MSN: variants seen among roughly 807,000 people sequenced by gnomAD.
MSN encodes moesin, also known as epididymis luminal protein 70.
In MSN, 2 loss-of-function variants were observed where a neutral mutation model predicts 48.0. The ratio of observed to expected loss-of-function variants is 0.04; its 90% CI spans 0.02 to 0.13. MSN has a LOEUF of 0.13. Ranked by LOEUF, MSN falls within the 10% of genes least tolerant of loss-of-function variation. The pLI is 1.00. For synonymous variants in MSN, 146 were observed against 166.9 expected (o/e 0.87, Z 0.97); for missense variants, 267 against 470.1 (o/e 0.57, Z 3.99).
intron 1 of MSN, among the ~76,000 whole-genome samples, chrX:65,680,956 G>A (rs1293887157): frequency 9.1e-6 from 1 of 110,149 alleles, no homozygotes; most frequent in Non-Finnish European, 1.9e-5. Context: ...TTACCATGTT[G>A]GCCAGGCTGG....
chrX:65,715,483 G>A (rs2071454735), intron 1 of MSN, among the ~76,000 whole-genome samples: 2 of 111,697 alleles, frequency 1.8e-5, no homozygotes, highest in Admixed American at 1.9e-4. Flanking sequence ...CCATTTGTTT[G>A]TGTCATATCT....
At chrX:65,733,144 C>T (rs747436170) in intron 6 of MSN, 40 bp from the exon 7 acceptor site, 20 of 1,102,668 alleles carry the variant, frequency 1.8e-5, no homozygotes, top group Non-Finnish European at 2.5e-5. Flanking sequence ...CCCTTCTTGT[C>T]TTGCCCTTGT....
chrX:65,674,888 C>T (rs777714485), intron 1 of MSN, among the ~76,000 whole-genome samples: 2 of 111,873 alleles, frequency 1.8e-5, no homozygotes, highest in East Asian at 5.6e-4. Context: ...GCTCTGCGAC[C>T]AACTAGTTAT....
At chrX:65,654,103 CTTTTT>C (rs776587090) in intron 1 of MSN, among the ~76,000 whole-genome samples, 2 of 67,694 alleles carry the variant, frequency 3.0e-5, no homozygotes, top group Non-Finnish European at 2.7e-5. Context: ...GGAGACCCTT[CTTTTT>C]TTTTTTTTTT....
At chrX:65,633,082 T>C (rs1198175503) in intron 1 of MSN, among the ~76,000 whole-genome samples, 1 of 111,327 alleles carries the variant, frequency 9.0e-6, no homozygotes, top group Non-Finnish European at 1.9e-5. Flanking sequence ...AATATGGCTG[T>C]AGGTTAGGGA....
chrX:65,623,515 A>G (rs1376589695), intron 1 of MSN, among the ~76,000 whole-genome samples: 1 of 109,983 alleles, frequency 9.1e-6, no homozygotes, highest in Admixed American at 9.7e-5. Flanking sequence ...TTCTTTAAAT[A>G]TTTGGTAGAA....
At chrX:65,708,867 G>C (rs755125233) in intron 1 of MSN, among the ~76,000 whole-genome samples, 2 of 110,627 alleles carry the variant, frequency 1.8e-5, no homozygotes, top group Non-Finnish European at 3.8e-5. Flanking sequence ...AGTTTTAGTA[G>C]AGACGGGGTT....
chrX:65,589,655 G>A (rs1406475508), intron 1 of MSN: 1 of 112,135 alleles, frequency 8.9e-6, no homozygotes, highest in African/African-American at 3.2e-5. Flanking sequence ...GTAGATCCCA[G>A]CCAGCCTAGA....
At chrX:65,709,526 C>T (rs1328524036) in intron 1 of MSN, among the ~76,000 whole-genome samples, 2 of 112,243 alleles carry the variant, frequency 1.8e-5, no homozygotes, top group African/African-American at 6.5e-5. Context: ...AGCCCTTTTA[C>T]CAGGGTGATC....
chrX:65,661,546 C>T (rs990322627), intron 1 of MSN, among the ~76,000 whole-genome samples: 3 of 111,962 alleles, frequency 2.7e-5, no homozygotes, highest in African/African-American at 6.5e-5. Context: ...CATCTATGCT[C>T]ATTAGGGATA....
intron 1 of MSN, among the ~76,000 whole-genome samples, chrX:65,692,994 A>G (rs1399276440): frequency 8.9e-6 from 1 of 112,483 alleles, no homozygotes; most frequent in Non-Finnish European, 1.9e-5. Flanking sequence ...AGTGGCTTAC[A>G]GAGACAGTTT....
intron 1 of MSN, among the ~76,000 whole-genome samples, chrX:65,645,656 G>T (rs2070689907): frequency 9.0e-6 from 1 of 111,559 alleles, no homozygotes; most frequent in Admixed American, 9.6e-5. Flanking sequence ...ATGTGGAAAT[G>T]CTTAGGTGTG....
At chrX:65,739,654 G>C in intron 12 of MSN, 75 bp from the exon 13 acceptor site, 1 of 1,060,086 alleles carries the variant, frequency 9.4e-7, no homozygotes, top group Non-Finnish European at 1.3e-6. Flanking sequence ...CAGAAGAGAA[G>C]GGAAGTCTGG....
intron 12 of MSN, 125 bp downstream of exon 12, chrX:65,739,319 C>T (rs776504180): frequency 1.2e-4 from 82 of 659,446 alleles, no homozygotes; most frequent in Non-Finnish European, 1.6e-4. Context: ...GAGCCCAAGC[C>T]GTTCTTAAGT....
Position 65,740,107 on chromosome X carries a change from C to T in MSN, c.*214C>T, listed in dbSNP as rs1335923140. The T allele has an allele frequency of 5.7e-5, 20 of 348,024 alleles. No homozygotes were observed. The highest frequency in any genetic ancestry group is 9.2e-5 in the Non-Finnish European group (18 of 196,374). 28.7% of individuals were successfully genotyped at this position (348,024 alleles called of 1,213,427 possible). ...ATGGCTCACTATGGTGCCAATGGAA[C>T]CTCCTTTCTCTTCTCTGTTCCATTG... On this transcript the variant is annotated 3_prime_UTR_variant, in exon 13 of 13. Coordinates refer to ENST00000360270, the MANE Select transcript of MSN (RefSeq NM_002444.3).
chrX:65,725,604 C>T (rs1314628892), intron 2 of MSN, among the ~76,000 whole-genome samples: 1 of 111,661 alleles, frequency 9.0e-6, no homozygotes, highest in African/African-American at 3.3e-5. Flanking sequence ...TTCACGCCCA[C>T]CCACTACCTT....
intron 1 of MSN, among the ~76,000 whole-genome samples, chrX:65,696,305 G>T (rs1296452045): frequency 9.0e-6 from 1 of 111,480 alleles, no homozygotes; most frequent in African/African-American, 3.3e-5. Flanking sequence ...TAAAGTGGTG[G>T]TATGTAGAAC....
chrX:65,590,812 A>G (rs977417322), intron 1 of MSN, among the ~76,000 whole-genome samples: 5 of 110,744 alleles, frequency 4.5e-5, no homozygotes, highest in Non-Finnish European at 7.6e-5. Context: ...GGGGTGGGGG[A>G]AAACCAGCAG....
Position 65,649,009 on chromosome X carries a change from G to A in MSN, c.-22+60397G>A, listed in dbSNP as rs182011307. 1.8e-3 allele frequency among the ~76,000 whole-genome samples: 196 copies of A among 110,665 alleles called. 2 individuals carry two copies. The East Asian group carries it at 0.046, about 26-fold the overall frequency. On this transcript the variant is annotated intron_variant, in intron 1 of 3. Coordinates refer to the MSN transcript ENST00000609672. ...GCCAAAGATCCCACTGTCCGTAAGT[G>A]GCCAAGTGAACACCTGAATCTAGGC...
Sources: gnomAD v4.1 joint callset for allele counts (sites outside exome capture counted in the v4.1 genomes callset) on GRCh38, gnomAD v4.1.1 for gene constraint, MANE v1.5 for transcripts, NCBI Gene and HGNC (gene_info 2026-07-23, HGNC 2026-07-21) for gene names.